FAM78A: variants seen among roughly 807,000 people sequenced by gnomAD.
The protein encoded by FAM78A is family with sequence similarity 78 member A.
In FAM78A, 12 loss-of-function variants were observed where a neutral mutation model predicts 22.6. The ratio of observed to expected loss-of-function variants is 0.53; its 90% confidence interval spans 0.34 to 0.86. FAM78A has a LOEUF of 0.86. FAM78A is among the 40% of genes least tolerant of loss of function. FAM78A has a pLI of 0.02. For synonymous variants in FAM78A, 151 were observed against 155.8 expected (o/e 0.97, Z 0.23); for missense variants, 322 against 396.1 (o/e 0.81, Z 1.59).
At chr9:131,278,193 C>T (rs1271629674), upstream of FAM78A, among the ~76,000 whole-genome samples, 2 of 152,080 alleles carry the variant, frequency 1.3e-5, no homozygotes, top group Admixed American at 1.3e-4. Context: ...GGAGCTGAGC[C>T]TCTCCTTGAA....
At position 131,265,628 on chromosome 9, in the gene FAM78A, T is replaced by C. The variant is rs191429352; in HGVS notation, c.324-4278A>G. On this transcript the variant is annotated intron_variant, in intron 1 of 1. Coordinates refer to ENST00000372271, the MANE Select transcript of FAM78A (RefSeq NM_033387.4). The surrounding 1 kb of genome is among the most constrained non-coding windows in gnomAD (Gnocchi z 4.3). ...TCTCAAACCCCTGACCTCAGGTGAC[T>C]GCCCGCCTCGGCCTCCCAAAGTGCT... 6.6e-6 allele frequency among the ~76,000 whole-genome samples: 1 copy of C among 152,058 alleles called. No individual in the cohort carries two copies. Among genetic ancestry groups the C allele is most frequent in the Non-Finnish European group, 1.5e-5 (1 of 67,970 alleles).
chr9:131,277,155 G>T (rs1160853903), upstream of FAM78A, among the ~76,000 whole-genome samples: 1 of 151,472 alleles, frequency 6.6e-6, no homozygotes, highest in African/African-American at 2.4e-5. This position sits in a 1 kb window ranked among gnomAD's most constrained non-coding sequence, Gnocchi z 8.4. Flanking sequence ...GCGCACCAGC[G>T]AATAATAGCC....
chr9:131,278,760 C>T (rs542917747), upstream of FAM78A, among the ~76,000 whole-genome samples: 25 of 152,326 alleles, frequency 1.6e-4, no homozygotes, highest in African/African-American at 5.5e-4. Flanking sequence ...AGGGAAAGCC[C>T]AAGCAATTTG....
chr9:131,268,359 C>T (rs906600970), intron 1 of FAM78A, among the ~76,000 whole-genome samples: 2 of 152,038 alleles, frequency 1.3e-5, no homozygotes, highest in East Asian at 3.9e-4. Context: ...CCACCACCAC[C>T]GGGTCACCAG....
At chr9:131,278,766 A>T (rs777727497), upstream of FAM78A, among the ~76,000 whole-genome samples, 22 of 152,054 alleles carry the variant, frequency 1.4e-4, no homozygotes, top group Admixed American at 1.0e-3. Flanking sequence ...AGCCCAAGCA[A>T]TTTGTGACAT....
chr9:131,265,529 G>A lies in FAM78A; in HGVS notation c.324-4179C>T, dbSNP rs774800220. On this transcript the variant is annotated intron_variant, in intron 1 of 1. Coordinates refer to ENST00000372271, the MANE Select transcript of FAM78A (RefSeq NM_033387.4). The surrounding 1 kb of genome is among the most constrained non-coding windows in gnomAD (Gnocchi z 4.3). ...CTCTCACAGTGCTGGGATTACAGGCGTGAGCCACCATGCCCGGCCTAATTT... is the reference window on the plus strand; with the variant it reads ...CTCTCACAGTGCTGGGATTACAGGCATGAGCCACCATGCCCGGCCTAATTT... Among the ~76,000 whole-genome samples, 3 of 152,154 alleles carry A rather than the reference G, an allele frequency of 2.0e-5. No homozygotes were observed. The highest frequency in any genetic ancestry group is 4.8e-5 in the African/African-American group (2 of 41,442).
At position 131,276,190 on chromosome 9, in the gene FAM78A, G is replaced by T. The variant is rs775663193; in HGVS notation, c.-11C>A. On this transcript the variant is annotated 5_prime_UTR_variant, in exon 1 of 2. The change creates a new upstream start codon in the 5' untranslated region. Coordinates refer to ENST00000372271, the MANE Select transcript of FAM78A (RefSeq NM_033387.4). The surrounding 1 kb of genome is among the most constrained non-coding windows in gnomAD (Gnocchi z 4.3). ...GAAAAAACCAGGCATTGAAAGGACAGAGGCTGCAGGACCCAGTACAGACGG... is the reference window on the plus strand; with the variant it reads ...GAAAAAACCAGGCATTGAAAGGACATAGGCTGCAGGACCCAGTACAGACGG... 6.2e-7 allele frequency: 1 copy of T among 1,607,428 alleles called. No homozygotes were observed. The highest frequency in any genetic ancestry group is 1.1e-5 in the South Asian group (1 of 90,324).
chr9:131,268,720 G>A (rs112948342), intron 1 of FAM78A, among the ~76,000 whole-genome samples: 8 of 152,038 alleles, frequency 5.3e-5, no homozygotes, highest in South Asian at 4.2e-4. Context: ...GTGAAACCCC[G>A]TCTCTACTAA....
Position 131,272,025 on chromosome 9 carries a change from T to G in FAM78A, c.323+3832A>C, listed in dbSNP as rs1022089926. Among the ~76,000 whole-genome samples the G allele has an allele frequency of 3.0e-4, 44 of 147,836 alleles. No homozygotes were observed. The highest frequency in any genetic ancestry group is 1.0e-3 in the African/African-American group (42 of 40,824). On this transcript the variant is annotated intron_variant, in intron 1 of 1. Coordinates refer to ENST00000372271, the MANE Select transcript of FAM78A (RefSeq NM_033387.4). This position sits in a 1 kb window ranked among gnomAD's most constrained non-coding sequence, Gnocchi z 4.1. Reference sequence around the variant, plus strand: ...GTCAGGGTATTATTGAGATGGTGGTTTTTTTTTTTAATTGTTCCATTTCAA... The same window carrying G: ...GTCAGGGTATTATTGAGATGGTGGTGTTTTTTTTTAATTGTTCCATTTCAA...
upstream of FAM78A, among the ~76,000 whole-genome samples, chr9:131,280,333 C>G (rs1243589155): frequency 6.6e-6 from 1 of 152,232 alleles, no homozygotes; most frequent in Non-Finnish European, 1.5e-5. Flanking sequence ...TTTTCCGGAG[C>G]TCCGTGGGTG....
intron 1 of FAM78A, among the ~76,000 whole-genome samples, chr9:131,263,225 G>A (rs1437903894): frequency 2.3e-5 from 3 of 127,680 alleles, no homozygotes; most frequent in Admixed American, 1.7e-4. Context: ...GGCGATAAGA[G>A]CAAGACTCCA....
At chr9:131,280,186 G>A (rs1477515344), upstream of FAM78A, among the ~76,000 whole-genome samples, 1 of 152,172 alleles carries the variant, frequency 6.6e-6, no homozygotes, top group African/African-American at 2.4e-5. Context: ...CCAGGCAGAG[G>A]GTGTGAATGG....
intron 1 of FAM78A, among the ~76,000 whole-genome samples, chr9:131,266,251 G>C (rs1564236926): frequency 6.6e-6 from 1 of 152,112 alleles, no homozygotes; most frequent in Non-Finnish European, 1.5e-5. Context: ...CGATGGCATG[G>C]CTCCAACCCT....
chr9:131,280,402 G>A (rs1448712275), upstream of FAM78A, among the ~76,000 whole-genome samples: 3 of 152,220 alleles, frequency 2.0e-5, no homozygotes, highest in African/African-American at 2.4e-5. Flanking sequence ...GCATCCACGC[G>A]CGTGTGAAGT....
Position 131,270,420 on chromosome 9 carries a change from T to G in FAM78A, c.323+5437A>C, listed in dbSNP as rs553649019. The G allele has an allele frequency of 4.3e-5, 31 of 717,586 alleles. No homozygotes were observed. In the East Asian group the frequency reaches 8.3e-4, roughly 19 times the overall value. 44.5% of individuals were successfully genotyped at this position (717,586 alleles called of 1,614,324 possible). ...ACAAAGGATATCAGTATGTAACTTGTCATTTCCCTGATTACTACGGCTGTT... is the reference window on the plus strand; with the variant it reads ...ACAAAGGATATCAGTATGTAACTTGGCATTTCCCTGATTACTACGGCTGTT... On this transcript the variant is annotated intron_variant, in intron 1 of 1. Coordinates refer to ENST00000372271, the MANE Select transcript of FAM78A (RefSeq NM_033387.4).
At chr9:131,264,869 A>AC (rs1241615088) in intron 1 of FAM78A, among the ~76,000 whole-genome samples, 1 of 151,840 alleles carries the variant, frequency 6.6e-6, no homozygotes, top group African/African-American at 2.4e-5. Flanking sequence ...GACCACAGGC[A>AC]CCCACCACCA....
In FAM78A at chr9:131,265,638, G is replaced by A. The variant is rs529294782; in HGVS notation, c.324-4288C>T. On this transcript the variant is annotated intron_variant, in intron 1 of 1. Coordinates refer to ENST00000372271, the MANE Select transcript of FAM78A (RefSeq NM_033387.4). The surrounding 1 kb of genome is among the most constrained non-coding windows in gnomAD (Gnocchi z 4.3). Reference sequence around the variant, plus strand: ...CTGACCTCAGGTGACTGCCCGCCTCGGCCTCCCAAAGTGCTGGGATTACAG... The same window carrying A: ...CTGACCTCAGGTGACTGCCCGCCTCAGCCTCCCAAAGTGCTGGGATTACAG... Among the ~76,000 whole-genome samples the A allele has an allele frequency of 3.3e-5, 5 of 151,714 alleles. 1 individual carries two copies. Among genetic ancestry groups the A allele is most frequent in the South Asian group, 4.2e-4 (2 of 4,792 alleles).
chr9:131,271,556 G>A (rs1835422041), intron 1 of FAM78A, among the ~76,000 whole-genome samples: 1 of 152,318 alleles, frequency 6.6e-6, no homozygotes, highest in East Asian at 1.9e-4. Context: ...GGGAGCTGGA[G>A]TTCACACCCT....
At chr9:131,262,329 T>C (rs1588196464) in intron 1 of FAM78A, among the ~76,000 whole-genome samples, 1 of 141,156 alleles carries the variant, frequency 7.1e-6, no homozygotes, top group Admixed American at 7.0e-5. Flanking sequence ...AAAAAAAAAA[T>C]TAGCGGGGTA....
Sources: gnomAD v4.1 joint callset for allele counts (sites outside exome capture counted in the v4.1 genomes callset) on GRCh38, gnomAD v4.1.1 for gene constraint, Gnocchi (gnomAD v3.1) non-coding constraint, MANE v1.5 for transcripts, NCBI Gene and HGNC (gene_info 2026-07-23, HGNC 2026-07-21) for gene names.